The following CTXND1 variants were observed in gnomAD, a reference collection of about 807,000 sequenced individuals.
CTXND1 encodes the protein cortexin domain-containing 1 protein.
intron 1 of CTXND1, among the ~76,000 whole-genome samples, chr15:80,218,073 G>T (rs1893272575): frequency 1.3e-5 from 2 of 152,204 alleles, no homozygotes; most frequent in Admixed American, 6.5e-5. Context: ...TTCAGTGATA[G>T]AAAATTGTAT....
intron 1 of CTXND1, among the ~76,000 whole-genome samples, chr15:80,205,920 A>C (rs1400553502): frequency 6.6e-6 from 1 of 152,228 alleles, no homozygotes; most frequent in Non-Finnish European, 1.5e-5. Flanking sequence ...TTTCAGTCAC[A>C]CAATCTTGAA....
chr15:80,228,347 T>G lies in CTXND1; in HGVS notation c.-218+23660A>C, dbSNP rs960883906. Among the ~76,000 whole-genome samples the G allele has an allele frequency of 3.3e-5, 5 of 152,358 alleles. 1 individual carries two copies. The highest frequency in any genetic ancestry group is 4.1e-4 in the South Asian group (2 of 4,828). On this transcript the variant is annotated intron_variant, in intron 1 of 2. Transcript: ENST00000560778. ...TAATGGCATCTAGAATGATAAATTC[T>G]TTGCAGAGGTTTTCAATTTACTTTG... is the stretch of plus-strand genomic sequence containing the variant.
chr15:80,223,518 T>A (rs913416134), intron 1 of CTXND1, among the ~76,000 whole-genome samples: 1 of 152,220 alleles, frequency 6.6e-6, no homozygotes, highest in African/African-American at 2.4e-5. Flanking sequence ...TGCTAAGAAA[T>A]TCTTGTCTGT....
At chr15:80,204,647 G>GTGTATATATATA (rs1399579470) in intron 1 of CTXND1, among the ~76,000 whole-genome samples, 6 of 131,398 alleles carry the variant, frequency 4.6e-5, no homozygotes, top group South Asian at 2.7e-4. Context: ...ATATTCCATT[G>GTGTATATATATA]TATATATATA....
At chr15:80,207,002 C>A (rs577633337) in intron 1 of CTXND1, among the ~76,000 whole-genome samples, 1 of 152,286 alleles carries the variant, frequency 6.6e-6, no homozygotes, top group East Asian at 1.9e-4. Flanking sequence ...GTCTTGTCTC[C>A]CTTGAAGGGA....
intron 1 of CTXND1, among the ~76,000 whole-genome samples, chr15:80,229,636 T>A (rs1336665694): frequency 1.3e-5 from 2 of 152,218 alleles, no homozygotes. Context: ...AATTAAAGGA[T>A]GTTAAAATAT....
At chr15:80,228,100 C>T (rs887529694) in intron 1 of CTXND1, among the ~76,000 whole-genome samples, 1 of 152,226 alleles carries the variant, frequency 6.6e-6, no homozygotes, top group Non-Finnish European at 1.5e-5. Flanking sequence ...CCATAAGAAG[C>T]CACTCATCTG....
chr15:80,227,334 A>G (rs1202704925), intron 1 of CTXND1, among the ~76,000 whole-genome samples: 1 of 152,168 alleles, frequency 6.6e-6, no homozygotes, highest in Non-Finnish European at 1.5e-5. Flanking sequence ...TCCACACTTA[A>G]AAGTCTCTTT....
chr15:80,198,245 G>C lies in CTXND1; in HGVS notation c.*3525C>G, dbSNP rs1183869605. On this transcript the variant is annotated 3_prime_UTR_variant, in exon 3 of 3. Coordinates refer to ENST00000560778, the MANE Select transcript of CTXND1 (RefSeq NM_001352888.2). ...GAGAGGGCTTGGGGCAACATGAAGG[G>C]AGTGTAGCTGAGCACAGTACAAGCA... The C allele has an allele frequency of 6.6e-6, 1 of 152,186 alleles. No individual in the cohort carries two copies. Among genetic ancestry groups the C allele is most frequent in the East Asian group, 1.9e-4 (1 of 5,196 alleles). 9.4% of individuals were successfully genotyped at this position (152,186 alleles called of 1,614,324 possible).
chr15:80,239,656 T>G (rs1893542457), intron 1 of CTXND1, among the ~76,000 whole-genome samples: 1 of 152,192 alleles, frequency 6.6e-6, no homozygotes, highest in African/African-American at 2.4e-5. Flanking sequence ...ATTGTGTAAG[T>G]TAATACTTAA....
intron 1 of CTXND1, among the ~76,000 whole-genome samples, chr15:80,207,068 C>A (rs74027265): frequency 2.6e-5 from 4 of 152,148 alleles, no homozygotes. Context: ...TGGTTTTCAG[C>A]AGTTTTCCTG....
intron 1 of CTXND1, among the ~76,000 whole-genome samples, chr15:80,249,126 A>AT (rs901150210): frequency 6.6e-6 from 1 of 151,804 alleles, no homozygotes; most frequent in African/African-American, 2.4e-5. Flanking sequence ...AATTTTTAAA[A>AT]TTTTTTTGTG....
intron 1 of CTXND1, among the ~76,000 whole-genome samples, chr15:80,215,311 G>A (rs2142127018): frequency 6.6e-6 from 1 of 152,244 alleles, no homozygotes; most frequent in Admixed American, 6.5e-5. Flanking sequence ...TGCCCCTTTG[G>A]GGTACAAACA....
intron 1 of CTXND1, among the ~76,000 whole-genome samples, chr15:80,235,693 T>C (rs1330447674): frequency 1.3e-5 from 2 of 151,964 alleles, no homozygotes; most frequent in Non-Finnish European, 2.9e-5. Context: ...GTTCTGTAGT[T>C]ATGACCCAGA....
intron 1 of CTXND1, among the ~76,000 whole-genome samples, chr15:80,211,487 T>C (rs1272656877): frequency 1.3e-5 from 2 of 152,146 alleles, no homozygotes; most frequent in Non-Finnish European, 2.9e-5. Flanking sequence ...ATCACATCGT[T>C]CTGTGGGACT....
chr15:80,223,227 G>T (rs1893336378), intron 1 of CTXND1, among the ~76,000 whole-genome samples: 1 of 152,078 alleles, frequency 6.6e-6, no homozygotes, highest in Non-Finnish European at 1.5e-5. Context: ...GGCTAATTTT[G>T]TATTTTTTTA....
At chr15:80,231,562 G>A (rs1300408599) in intron 1 of CTXND1, among the ~76,000 whole-genome samples, 1 of 152,136 alleles carries the variant, frequency 6.6e-6, no homozygotes, top group African/African-American at 2.4e-5. Context: ...TGAAATAAGG[G>A]AGTTTGGAAA....
At chr15:80,222,162 C>T (rs1309012889) in intron 1 of CTXND1, among the ~76,000 whole-genome samples, 1 of 151,994 alleles carries the variant, frequency 6.6e-6, no homozygotes, top group Non-Finnish European at 1.5e-5. Context: ...TTTGATCCAT[C>T]CAATTTTAAG....
chr15:80,202,074 G>C (rs1229103940), intron 2 of CTXND1, 60 bp from the exon 3 acceptor site: 1 of 397,224 alleles, frequency 2.5e-6, no homozygotes, highest in Non-Finnish European at 4.4e-6. Flanking sequence ...TGGGGTGATT[G>C]CAGGGCACCA....
Sources: allele counts gnomAD v4.1 joint callset (sites outside exome capture counted in the v4.1 genomes callset), GRCh38; gene constraint gnomAD v4.1.1; transcripts MANE v1.5; gene names NCBI Gene and HGNC (gene_info 2026-07-23, HGNC 2026-07-21).